Variants in CALHM6 observed in about 807,000 individuals in gnomAD.
The protein encoded by CALHM6 is calcium homeostasis modulator protein 6.
In CALHM6, 15 loss-of-function variants were observed where a neutral mutation model predicts 12.7. That is an observed-to-expected ratio of 1.18 (90% CI 0.79 to 1.82). The LOEUF (loss-of-function observed/expected upper bound fraction) is 1.82, where lower values mean the gene tolerates loss of function less well. CALHM6 is among the 40% of genes most tolerant of loss of function. The pLI is 0.00. For synonymous variants in CALHM6, 212 were observed against 193.7 expected (o/e 1.09, Z -0.78); for missense variants, 434 against 421.0 (o/e 1.03, Z -0.27).
At chr6:116,461,635 G>A (rs988164652) in intron 1 of CALHM6, among the ~76,000 whole-genome samples, 9 of 151,860 alleles carry the variant, frequency 5.9e-5, no homozygotes, top group African/African-American at 2.2e-4. Context: ...TGAATTGGGG[G>A]AGGAAGATAA....
Position 116,463,594 on chromosome 6 carries a change from T to G in CALHM6, c.837T>G (p.Tyr279Ter). The G allele has an allele frequency of 1.7e-5, 28 of 1,614,098 alleles. No homozygotes were observed. Among genetic ancestry groups the G allele is most frequent in the Non-Finnish European group, 2.3e-5 (27 of 1,179,972 alleles). The change falls in exon 3 of 3, where the codon TAT becomes TAG. Residue 279 changes from tyrosine to a stop codon, truncating the protein, a stop_gained. Transcript: ENST00000368605. LOFTEE classifies it low-confidence loss of function (END_TRUNC). ...AGTACTACAGCATGTTGCACAAATA[T>G]GTCAACAGAAAAGAGAAGACTCACA... The part of the protein sequence containing the change: ...KGQYYSMLHK[Y>*]VNRKEKTHSI...
intron 1 of CALHM6, 130 bp downstream of exon 1, chr6:116,461,559 A>T: frequency 2.3e-6 from 2 of 871,276 alleles, no homozygotes. Flanking sequence ...CAAGAAGGTT[A>T]GTTTCCTGGT....
intron 2 of CALHM6, 117 bp downstream of exon 2, chr6:116,462,571 A>C (rs1397150118): frequency 1.7e-6 from 1 of 602,774 alleles, no homozygotes; most frequent in Non-Finnish European, 2.7e-6. Flanking sequence ...CCCTAAGAAA[A>C]TCTAGAATGG....
rs1199715541 is a variant in CALHM6, at chr6:116,462,007, G to T, written c.78G>T (p.Leu26=). ...TGGGCTACGGCCTGGTGACCCTGCT[G>T]ACGGCGGGCGGGGAGCGCATCTTCT... The part of the protein sequence containing the change: ...SALGYGLVTL[L]TAGGERIFSA... The change falls in exon 2 of 3, where the codon CTG becomes CTT. Residue 26 remains leucine (L), a synonymous_variant. Transcript: ENST00000368605. The T allele has an allele frequency of 6.5e-7, 1 of 1,548,932 alleles. No individual in the cohort carries two copies.
chr6:116,462,511 G>A (rs760974954), intron 2 of CALHM6, 57 bp downstream of exon 2: 48 of 1,300,888 alleles, frequency 3.7e-5, no homozygotes, highest in African/African-American at 4.7e-5. Flanking sequence ...GCTTTCTCAG[G>A]GCCGCTGGGG....
chr6:116,462,211 C>G lies in CALHM6; in HGVS notation c.282C>G (p.Arg94=). The G allele has an allele frequency of 6.7e-7, 1 of 1,485,132 alleles. No individual in the cohort carries two copies. The highest frequency in any genetic ancestry group is 8.9e-7 in the Non-Finnish European group (1 of 1,121,748). 92.0% of individuals were successfully genotyped at this position (1,485,132 alleles called of 1,614,324 possible). A position where few individuals can be genotyped will look rare whatever the true frequency, so the allele number is the denominator to read the frequency against. Reference sequence around the variant, plus strand: ...GCGCGAGTTGCGGATCGGCGCTGCGCGGCTCCCTGGTGTGCACGCAAATCA... The same window carrying G: ...GCGCGAGTTGCGGATCGGCGCTGCGGGGCTCCCTGGTGTGCACGCAAATCA... ...SARASCGSAL[R]GSLVCTQISA... Residue 94 remains arginine, a synonymous_variant, in exon 2 of 3, where the codon CGC becomes CGG. Transcript: ENST00000368605.
rs1784785263 is a variant in CALHM6 at position 116,462,110 on chromosome 6, C to T, written c.181C>T (p.Leu61Phe). Reference protein sequence around the residue: ...YGLVFLLVPALALFLLGYVLS... With the variant: ...YGLVFLLVPAFALFLLGYVLS... ...CCTGGTCTTCTTGCTGGTGCCGGCG[C>T]TCGCGCTCTTCCTCCTGGGCTACGT... The change falls in exon 2 of 3, where the codon CTC becomes TTC. Residue 61 changes from leucine (L) to phenylalanine (F), a missense_variant. Transcript: ENST00000368605. The T allele has an allele frequency of 3.2e-6, 5 of 1,542,152 alleles. No individual in the cohort carries two copies. The East Asian group carries it at 7.4e-5, about 23-fold the overall frequency.
Position 116,462,105 on chromosome 6 carries a change from CG to C in CALHM6, c.178del (p.Ala60ArgfsTer11), listed in dbSNP as rs1246591322. On this transcript the variant is annotated frameshift_variant, in exon 2 of 3. Transcript: ENST00000368605. LOFTEE classifies it high-confidence loss of function. ...LPYGLVFLLV[P>X]ALALFLLGYV... ...TACGGCCTGGTCTTCTTGCTGGTGC[CG>C]GCGCTCGCGCTCTTCCTCCTGGGCT... 1 of 1,542,580 alleles carries C rather than the reference CG, an allele frequency of 6.5e-7. No homozygotes were observed. Among genetic ancestry groups the C allele is most frequent in the Non-Finnish European group, 8.7e-7 (1 of 1,145,554 alleles).
At chr6:116,462,704 A>G (rs1485393038) in intron 2 of CALHM6, among the ~76,000 whole-genome samples, 2 of 152,162 alleles carry the variant, frequency 1.3e-5, no homozygotes, top group East Asian at 3.8e-4. Context: ...GAGAGTGGGC[A>G]CGCCTACTCA....
chr6:116,462,256 GC>G lies in CALHM6; in HGVS notation c.331del (p.Leu111SerfsTer57). The G allele has an allele frequency of 7.3e-7, 1 of 1,370,638 alleles. No homozygotes were observed. The highest frequency in any genetic ancestry group is 3.1e-5 in the East Asian group (1 of 32,442). The allele number at this position is 1,370,638 out of a possible 1,614,324, so 84.9% of individuals were successfully genotyped here. ...AAATCAGCGCGGCCGCCGCGCTCGC[GC>G]CCCTCACCTGGGTGGCCGTGGCGCT... ...TQISAAAALA[P>X]LTWVAVALLG... On this transcript the variant is annotated frameshift_variant, in exon 2 of 3. Transcript: ENST00000368605. LOFTEE classifies it high-confidence loss of function.
chr6:116,461,377 T>G lies in CALHM6; in HGVS notation c.-111T>G, dbSNP rs898874112. On this transcript the variant is annotated 5_prime_UTR_variant, in exon 1 of 3. Transcript: ENST00000368605. Reference sequence around the variant, plus strand: ...TACCAGAACTTGAGCTGGACTTTGCTGATTTAGCTTATGGAAGAGGAACCA... The same window carrying G: ...TACCAGAACTTGAGCTGGACTTTGCGGATTTAGCTTATGGAAGAGGAACCA... The G allele has an allele frequency of 1.9e-6, 3 of 1,548,204 alleles. No individual in the cohort carries two copies. In the African/African-American group the frequency reaches 4.1e-5, roughly 21 times the overall value.
Position 116,462,251 on chromosome 6 carries a change from C to G in CALHM6, c.322C>G (p.Leu108Val). ...VCTQISAAAALAPLTWVAVAL... is the reference protein window; with the variant it reads ...VCTQISAAAAVAPLTWVAVAL... ...CACGCAAATCAGCGCGGCCGCCGCG[C>G]TCGCGCCCCTCACCTGGGTGGCCGT... The change falls in exon 2 of 3, where the codon CTC becomes GTC. Residue 108 changes from leucine to valine, a missense_variant. Leu to Val is a conservative substitution (Grantham distance 32, BLOSUM62 1). Coordinates refer to ENST00000368605, the MANE Select transcript of CALHM6 (RefSeq NM_001010919.3). The G allele has an allele frequency of 7.3e-7, 1 of 1,373,852 alleles. No homozygotes were observed. Among genetic ancestry groups the G allele is most frequent in the Non-Finnish European group, 9.3e-7 (1 of 1,070,122 alleles). 85.1% of individuals were successfully genotyped at this position (1,373,852 alleles called of 1,614,324 possible).
In CALHM6 at chr6:116,462,374, G is replaced by T; in HGVS notation, c.445G>T (p.Glu149Ter). The T allele has an allele frequency of 6.8e-7, 1 of 1,460,236 alleles. No individual in the cohort carries two copies. Among genetic ancestry groups the T allele is most frequent in the South Asian group, 1.3e-5 (1 of 74,602 alleles). 90.5% of individuals were successfully genotyped at this position (1,460,236 alleles called of 1,614,324 possible). A position where few individuals can be genotyped will look rare whatever the true frequency, so the allele number is the denominator to read the frequency against. Residue 149 changes from glutamate (E) to a stop codon, truncating the protein, a stop_gained, in exon 2 of 3, where the codon GAG (glutamate) becomes TAG (stop). Coordinates refer to ENST00000368605, the MANE Select transcript of CALHM6 (RefSeq NM_001010919.3). LOFTEE classifies it high-confidence loss of function. ...CLGRNRSCAAELPLVPCNQAK... is the reference protein window; with the variant it reads ...CLGRNRSCAA ...CGGCCGCAACCGCAGCTGCGCCGCG[G>T]AGCTGCCGCTGGTGCCGTGCAACCA...
Position 116,462,254 on chromosome 6 carries a change from G to T in CALHM6, c.325G>T (p.Ala109Ser). 7.3e-7 allele frequency: 1 copy of T among 1,374,036 alleles called. No individual in the cohort carries two copies. Among genetic ancestry groups the T allele is most frequent in the South Asian group, 1.7e-5 (1 of 59,262 alleles). The allele number at this position is 1,374,036 out of a possible 1,614,324, so 85.1% of individuals were successfully genotyped here. A position where few individuals can be genotyped will look rare whatever the true frequency, so the allele number is the denominator to read the frequency against. Residue 109 changes from alanine (A) to serine (S), a missense_variant, in exon 2 of 3, where the codon GCG becomes TCG. Physicochemically the swap from Ala to Ser is moderately conservative, Grantham distance 99. Transcript: ENST00000368605. The part of the protein sequence containing the change: ...CTQISAAAAL[A>S]PLTWVAVALL... ...GCAAATCAGCGCGGCCGCCGCGCTCGCGCCCCTCACCTGGGTGGCCGTGGC... is the reference window on the plus strand; with the variant it reads ...GCAAATCAGCGCGGCCGCCGCGCTCTCGCCCCTCACCTGGGTGGCCGTGGC...
rs1784785506 is a variant in CALHM6, at chr6:116,462,112, CG to C, written c.184del (p.Ala62ArgfsTer9). The C allele has an allele frequency of 1.3e-6, 2 of 1,541,680 alleles. No homozygotes were observed. The highest frequency in any genetic ancestry group is 1.2e-5 in the South Asian group (1 of 83,824). ...GLVFLLVPALALFLLGYVLSA... is the reference protein window; with the variant it reads ...GLVFLLVPALXLFLLGYVLSA... ...TGGTCTTCTTGCTGGTGCCGGCGCT[CG>C]CGCTCTTCCTCCTGGGCTACGTGCT... On this transcript the variant is annotated frameshift_variant, in exon 2 of 3. Coordinates refer to ENST00000368605, the MANE Select transcript of CALHM6 (RefSeq NM_001010919.3). LOFTEE classifies it high-confidence loss of function.
intron 1 of CALHM6, 101 bp downstream of exon 1, chr6:116,461,530 C>T (rs1784768492): frequency 1.7e-6 from 2 of 1,166,552 alleles, no homozygotes; most frequent in Non-Finnish European, 2.5e-6. Context: ...CCCAGTTTTT[C>T]CAACTGGCGG....
chr6:116,463,291 C>T lies in CALHM6; in HGVS notation c.534C>T (p.Gly178=). ...KDLKAQSQVL[G]WILIAVVIII... is the part of the protein sequence containing the mutation. ...TGTTGTGTTTTCTTAAGGTGTTGGG[C>T]TGGATCTTGATAGCAGTTGTTATCA... Residue 178 remains glycine (G), a synonymous_variant, in exon 3 of 3, where the codon GGC becomes GGT. Coordinates refer to ENST00000368605, the MANE Select transcript of CALHM6 (RefSeq NM_001010919.3). 1 of 1,610,406 alleles carries T rather than the reference C, an allele frequency of 6.2e-7. No individual in the cohort carries two copies. The highest frequency in any genetic ancestry group is 8.5e-7 in the Non-Finnish European group (1 of 1,177,558).
intron 2 of CALHM6, 138 bp from the exon 3 acceptor site, chr6:116,463,145 C>G: frequency 1.2e-6 from 1 of 817,090 alleles, no homozygotes; most frequent in Non-Finnish European, 1.9e-6. Flanking sequence ...CGACACCTTA[C>G]TCTTAAGGAA....
rs755445117 is a variant in CALHM6 at position 116,462,390 on chromosome 6, C to T, written c.461C>T (p.Pro154Leu). Residue 154 changes from proline (P) to leucine (L), a missense_variant, in exon 2 of 3, where the codon CCG becomes CTG. Coordinates refer to ENST00000368605, the MANE Select transcript of CALHM6 (RefSeq NM_001010919.3). ...RSCAAELPLV[P>L]CNQAKASDVQ... ...TGCGCCGCGGAGCTGCCGCTGGTGC[C>T]GTGCAACCAGGCCAAGGCGTCGGAC... 35 of 1,473,044 alleles carry T rather than the reference C, an allele frequency of 2.4e-5. No homozygotes were observed. The highest frequency in any genetic ancestry group is 4.4e-5 in the African/African-American group (3 of 67,472). The allele number at this position is 1,473,044 out of a possible 1,614,324, so 91.2% of individuals were successfully genotyped here.
Sources: allele counts gnomAD v4.1 joint callset (sites outside exome capture counted in the v4.1 genomes callset), GRCh38; gene constraint gnomAD v4.1.1; transcripts MANE v1.5; gene names NCBI Gene and HGNC (gene_info 2026-07-23, HGNC 2026-07-21).